NCOR1: variants seen among roughly 807,000 people sequenced by gnomAD.
NCOR1 encodes protein phosphatase 1, regulatory subunit 109.
In NCOR1, 63 loss-of-function variants were observed where a neutral mutation model predicts 288.1. The observed-to-expected ratio is 0.22, with a 90% CI of 0.18 to 0.27. The LOEUF is 0.27. NCOR1 is among the 10% of genes least tolerant of loss of function. NCOR1 has a pLI of 1.00. For missense variants in NCOR1, 2,397 were observed against 3,019.2 expected (o/e 0.79, Z 4.83); for synonymous variants, 1,007 against 1,065.9 (o/e 0.94, Z 1.08).
intron 1 of NCOR1, among the ~76,000 whole-genome samples, chr17:16,197,581 A>G (rs547975672): frequency 1.3e-5 from 2 of 152,230 alleles, no homozygotes; most frequent in African/African-American, 4.8e-5. Context: ...AGAAATCTGA[A>G]GATCAGAGAA....
Position 16,048,864 on chromosome 17 carries a change from C to G in NCOR1, c.6517G>C (p.Ala2173Pro), listed in dbSNP as rs746349109. The G allele has an allele frequency of 6.2e-7, 1 of 1,612,576 alleles. No homozygotes were observed. The highest frequency in any genetic ancestry group is 1.3e-5 in the African/African-American group (1 of 74,882). ...DSLLLLSQRGAEPAEQRNDAR... is the reference protein window; with the variant it reads ...DSLLLLSQRGPEPAEQRNDAR... The stretch of plus-strand genomic sequence containing the variant: ...ACTTACCTCTGCTCTGCAGGCTCTG[C>G]GCCCCTCTGAGACAAGAGCAGCAAG... Residue 2173 changes from alanine to proline, a missense_variant, in exon 41 of 46, where the codon GCA (alanine) becomes CCA (proline). Ala to Pro is a conservative substitution (Grantham distance 27, BLOSUM62 -1). Transcript: ENST00000268712.
intron 1 of NCOR1, among the ~76,000 whole-genome samples, chr17:16,207,496 C>CTT (rs2091651568): frequency 6.6e-6 from 1 of 152,102 alleles, no homozygotes; most frequent in Non-Finnish European, 1.5e-5. Flanking sequence ...AATCCCAGCA[C>CTT]TTTGGGAGGC....
intron 6 of NCOR1, among the ~76,000 whole-genome samples, chr17:16,153,973 T>C (rs1316444750): frequency 6.6e-6 from 1 of 151,776 alleles, no homozygotes; most frequent in Non-Finnish European, 1.5e-5. Flanking sequence ...TGCTCAGTAG[T>C]TAAAAAATGC....
At chr17:16,079,884 A>C in intron 26 of NCOR1, 80 bp downstream of exon 26, 2 of 1,279,692 alleles carry the variant, frequency 1.6e-6, no homozygotes, top group Non-Finnish European at 2.2e-6. Flanking sequence ...CTTAAGCCAC[A>C]AAATAGCCAA....
chr17:16,121,452 TTAAGA>T (rs1229273973), intron 15 of NCOR1, among the ~76,000 whole-genome samples, 183 bp from the exon 16 acceptor site: 3 of 151,834 alleles, frequency 2.0e-5, no homozygotes, highest in Admixed American at 6.6e-5. Context: ...CCAGCTAAAA[TTAAGA>T]TATTTTATAA....
intron 40 of NCOR1, among the ~76,000 whole-genome samples, chr17:16,055,615 A>C (rs971721126): frequency 9.9e-5 from 15 of 151,578 alleles, no homozygotes; most frequent in Non-Finnish European, 1.5e-5. Flanking sequence ...TTTACAACAA[A>C]CCCCCACGAC....
Position 16,032,336 on chromosome 17 carries a change from A to G in NCOR1, c.7283T>C (p.Leu2428Pro). ...CGACAGGGTCTCGTACTGTGCTGAG[A>G]GCAGTGGGGCAGGCTCTCGCTCCCA... ...RIWEREPAPL[L>P]SAQYETLSDS... The change falls in exon 46 of 46, where the codon CTC (leucine) becomes CCC (proline). Residue 2428 changes from leucine (L) to proline (P), a missense_variant. Leu to Pro is a moderately conservative substitution (Grantham distance 98). Coordinates refer to ENST00000268712, the MANE Select transcript of NCOR1 (RefSeq NM_006311.4). 1 of 1,614,044 alleles carries G rather than the reference A, an allele frequency of 6.2e-7. No individual in the cohort carries two copies. The highest frequency in any genetic ancestry group is 2.2e-5 in the East Asian group (1 of 44,886).
At chr17:16,212,110 C>G (rs2092184521) in intron 1 of NCOR1, among the ~76,000 whole-genome samples, 1 of 151,722 alleles carries the variant, frequency 6.6e-6, no homozygotes, top group African/African-American at 2.4e-5. Flanking sequence ...ACTAAAAATA[C>G]AAAAATTAGC....
chr17:16,029,262 C>T lies in NCOR1; in HGVS notation c.*3034G>A. 1 of 453,708 alleles carries T rather than the reference C, an allele frequency of 2.2e-6. No individual in the cohort carries two copies. The highest frequency in any genetic ancestry group is 1.6e-5 in the South Asian group (1 of 64,316). The allele number at this position is 453,708 out of a possible 1,614,324, so 28.1% of individuals were successfully genotyped here. ...CTAGGAGTTTTCAGGACAGTCTCTT[C>T]ATGTGGGTGTTTTCATTACAGTTCA... On this transcript the variant is annotated 3_prime_UTR_variant, in exon 46 of 46. Transcript: ENST00000268712.
At chr17:16,066,752 G>A (rs2061167966) in intron 32 of NCOR1, among the ~76,000 whole-genome samples, 1 of 152,152 alleles carries the variant, frequency 6.6e-6, no homozygotes, top group South Asian at 2.1e-4. Flanking sequence ...CAAATAATTT[G>A]ATGGCATTTA....
At chr17:16,126,042 T>A (rs2153189441) in intron 15 of NCOR1, 40 bp downstream of exon 15, 1 of 979,290 alleles carries the variant, frequency 1.0e-6, no homozygotes, top group Non-Finnish European at 1.5e-6. Context: ...AAAATAAAAA[T>A]AAACATTTAA....
At chr17:16,202,244 A>C (rs1304722178) in intron 1 of NCOR1, among the ~76,000 whole-genome samples, 3 of 138,850 alleles carry the variant, frequency 2.2e-5, no homozygotes, top group East Asian at 4.0e-4. Context: ...AAAAAAAAAT[A>C]CAAAAAATTA....
At chr17:16,047,362 A>G (rs1050534727) in intron 41 of NCOR1, among the ~76,000 whole-genome samples, 1 of 152,250 alleles carries the variant, frequency 6.6e-6, no homozygotes, top group African/African-American at 2.4e-5. Flanking sequence ...GGAATGAAGA[A>G]GCAGTAAATG....
chr17:16,203,547 G>A (rs2091126381), intron 1 of NCOR1, among the ~76,000 whole-genome samples: 1 of 152,116 alleles, frequency 6.6e-6, no homozygotes, highest in South Asian at 2.1e-4. Flanking sequence ...GCTCCCACAA[G>A]TTACTCTCAA....
At chr17:16,175,015 T>C (rs2083834314) in intron 3 of NCOR1, among the ~76,000 whole-genome samples, 1 of 150,040 alleles carries the variant, frequency 6.7e-6, no homozygotes, top group South Asian at 2.1e-4. Flanking sequence ...CTGATAAAAA[T>C]AGATAAATAA....
At position 16,071,462 on chromosome 17, in the gene NCOR1, T is replaced by A. The variant is rs1177760254; in HGVS notation, c.4099A>T (p.Thr1367Ser). The change falls in exon 30 of 46, where the codon ACT (threonine) becomes TCT (serine). Residue 1367 changes from threonine (T) to serine (S), a missense_variant. Coordinates refer to ENST00000268712, the MANE Select transcript of NCOR1 (RefSeq NM_006311.4). ...CGTGTGCTCTGGACCACTTCTGGAG[T>A]TTTCCGACTTTCCTGAGTTAAAATA... is the stretch of plus-strand genomic sequence containing the variant. ...QDILTQESRK[T>S]PEVVQSTRPI... 1.9e-6 allele frequency: 3 copies of A among 1,613,958 alleles called. No individual in the cohort carries two copies. Among genetic ancestry groups the A allele is most frequent in the Non-Finnish European group, 2.5e-6 (3 of 1,180,018 alleles).
Position 16,091,854 on chromosome 17 carries a change from T to G in NCOR1, c.3016+9A>C. On this transcript the variant is annotated intron_variant, in intron 22 of 45. Coordinates refer to ENST00000268712, the MANE Select transcript of NCOR1 (RefSeq NM_006311.4). ...AAAAGTTCTCTTGGTGATAGCTCTATCTACCTACCTTCCCACTCTCTGTTT... is the reference window on the plus strand; with the variant it reads ...AAAAGTTCTCTTGGTGATAGCTCTAGCTACCTACCTTCCCACTCTCTGTTT... 1 of 1,614,022 alleles carries G rather than the reference T, an allele frequency of 6.2e-7. No individual in the cohort carries two copies. Among genetic ancestry groups the G allele is most frequent in the Non-Finnish European group, 8.5e-7 (1 of 1,180,032 alleles).
intron 1 of NCOR1, among the ~76,000 whole-genome samples, chr17:16,196,836 A>G (rs1030946515): frequency 2.7e-5 from 4 of 150,538 alleles, no homozygotes; most frequent in East Asian, 1.9e-4. Context: ...AAAAAAAAAA[A>G]AAAAGAAAAG....
intron 18 of NCOR1, among the ~76,000 whole-genome samples, chr17:16,111,801 C>T (rs1191209556): frequency 6.6e-6 from 1 of 152,066 alleles, no homozygotes; most frequent in Non-Finnish European, 1.5e-5. Context: ...TATATATATG[C>T]ATACACACAT....
Sources: allele counts gnomAD v4.1 joint callset (sites outside exome capture counted in the v4.1 genomes callset), GRCh38; gene constraint gnomAD v4.1.1; transcripts MANE v1.5; gene names NCBI Gene and HGNC (gene_info 2026-07-23, HGNC 2026-07-21).